GPAT4: variants seen among roughly 807,000 people sequenced by gnomAD.
GPAT4 encodes glycerol-3-phosphate acyltransferase 4.
Under a neutral mutation model 58.0 loss-of-function variants are expected in GPAT4, and 17 were observed. The observed-to-expected ratio is 0.29, with a 90% CI of 0.20 to 0.44. The LOEUF (loss-of-function observed/expected upper bound fraction) is 0.44. GPAT4 is among the 20% of genes least tolerant of loss of function. The pLI is 1.00. For synonymous variants in GPAT4, 204 were observed against 210.1 expected, an observed-to-expected ratio of 0.97 and a Z score of 0.25; for missense variants, 377 against 574.5, an observed-to-expected ratio of 0.66 and a Z score of 3.51.
chr8:41,606,687 G>A (rs879139360), intron 2 of GPAT4, among the ~76,000 whole-genome samples: 4 of 152,156 alleles, frequency 2.6e-5, no homozygotes, highest in Admixed American at 6.5e-5. Flanking sequence ...TGGGGGCTCC[G>A]AGCATGGCCA....
intron 2 of GPAT4, among the ~76,000 whole-genome samples, chr8:41,600,060 C>G (rs1320127650): frequency 2.6e-5 from 1 of 38,622 alleles, no homozygotes; most frequent in Non-Finnish European, 5.1e-5. Context: ...TTTTTCGAGA[C>G]AAGAGTCTCA....
chr8:41,582,822 ATG>A (rs1802559471), intron 1 of GPAT4, among the ~76,000 whole-genome samples: 1 of 152,166 alleles, frequency 6.6e-6, no homozygotes, highest in Non-Finnish European at 1.5e-5. Flanking sequence ...CATGGATAGA[ATG>A]TGTAATGATA....
chr8:41,615,183 T>C (rs1585675024), intron 10 of GPAT4, 135 bp downstream of exon 10: 2 of 734,654 alleles, frequency 2.7e-6, no homozygotes, highest in East Asian at 5.5e-5. Context: ...TGGGGCTGGG[T>C]TGACGTGGGT....
intron 2 of GPAT4, among the ~76,000 whole-genome samples, chr8:41,604,014 C>T (rs1415520106): frequency 6.6e-6 from 1 of 150,586 alleles, no homozygotes; most frequent in Non-Finnish European, 1.5e-5. Context: ...CATTCATGGC[C>T]CACAACTTGT....
intron 7 of GPAT4, among the ~76,000 whole-genome samples, 185 bp downstream of exon 7, chr8:41,612,458 G>A (rs2150503163): frequency 6.6e-6 from 1 of 152,354 alleles, no homozygotes; most frequent in South Asian, 2.1e-4. Context: ...ATTGGTGAGT[G>A]TGGCTGGAGA....
chr8:41,611,722 C>A (rs1222446243), intron 5 of GPAT4, among the ~76,000 whole-genome samples, 181 bp from the exon 6 acceptor site: 1 of 152,208 alleles, frequency 6.6e-6, no homozygotes, highest in Non-Finnish European at 1.5e-5. Context: ...TCCCTGTCCC[C>A]TCTTTCTCTC....
At chr8:41,596,426 G>A (rs1455409762) in intron 1 of GPAT4, among the ~76,000 whole-genome samples, 1 of 152,198 alleles carries the variant, frequency 6.6e-6, no homozygotes, top group African/African-American at 2.4e-5. Flanking sequence ...CAAAGTACCC[G>A]TACAGCCATG....
rs1164125493 is a variant in GPAT4, at chr8:41,609,949, C to T, written c.530C>T (p.Pro177Leu). ...GVLIRYCFLL[P>L]LRIALAFTGI... ...CTGATTCGGTACTGCTTTCTGCTGC[C>T]GCTCAGGTGAGGCAGGGCCTGCGGG... The change falls in exon 4 of 13, where the codon CCG (proline) becomes CTG (leucine). Residue 177 changes from proline (P) to leucine (L), a missense_variant. Transcript: ENST00000396987. 12 of 1,602,370 alleles carry T rather than the reference C, an allele frequency of 7.5e-6. No homozygotes were observed. The highest frequency in any genetic ancestry group is 2.2e-5 in the South Asian group (2 of 89,416).
intron 8 of GPAT4, among the ~76,000 whole-genome samples, chr8:41,613,420 C>T (rs1803501256): frequency 1.3e-5 from 2 of 151,770 alleles, no homozygotes; most frequent in South Asian, 4.2e-4. Context: ...GTATTATTTA[C>T]CAAGTTAATA....
At chr8:41,591,972 G>T (rs1489080632) in intron 1 of GPAT4, among the ~76,000 whole-genome samples, 8 of 152,232 alleles carry the variant, frequency 5.3e-5, no homozygotes, top group African/African-American at 1.9e-4. Flanking sequence ...TTCTAAGACA[G>T]CTTGTAAACG....
At chr8:41,585,159 G>T (rs1334005114) in intron 1 of GPAT4, among the ~76,000 whole-genome samples, 1 of 152,164 alleles carries the variant, frequency 6.6e-6, no homozygotes, top group Non-Finnish European at 1.5e-5. Flanking sequence ...TAAATTCAGC[G>T]TAGCACACAT....
At chr8:41,620,017 C>T (rs1350518335) in intron 12 of GPAT4, among the ~76,000 whole-genome samples, 1 of 152,226 alleles carries the variant, frequency 6.6e-6, no homozygotes, top group Non-Finnish European at 1.5e-5. Context: ...AACATTAGCA[C>T]TGGAGCTAGA....
Position 41,621,186 on chromosome 8 carries a change from CT to C in GPAT4, c.*187del. 1.2e-6 allele frequency: 1 copy of C among 806,430 alleles called. No individual in the cohort carries two copies. The highest frequency in any genetic ancestry group is 2.7e-5 in the East Asian group (1 of 36,890). 50.0% of individuals were successfully genotyped at this position (806,430 alleles called of 1,614,324 possible). A position where few individuals can be genotyped will look rare whatever the true frequency, so the allele number is the denominator to read the frequency against. On this transcript the variant is annotated 3_prime_UTR_variant, in exon 13 of 13. Transcript: ENST00000396987. ...CCCTGTGCACCCGGCGCAGCCTACC[CT>C]TGGTGGTCTAAACGGATGCTGCTGG...
chr8:41,604,879 C>T (rs960078130), intron 2 of GPAT4, among the ~76,000 whole-genome samples: 1 of 152,164 alleles, frequency 6.6e-6, no homozygotes, highest in Non-Finnish European at 1.5e-5. Flanking sequence ...CTGAAAAAGG[C>T]ATTGAACTTT....
rs1017567050 is a variant in GPAT4, at chr8:41,610,838, G to GAACTAACT, written c.611+30_611+31insCTAACTAA. On this transcript the variant is annotated intron_variant, in intron 5 of 12. Transcript: ENST00000396987. ...GAGTAGAGTGTGGCAGTCCATGCCT[G>GAACTAACT]AAGGACAGTTAGTTCTGGGAATGGT... 3 of 1,576,448 alleles carry GAACTAACT rather than the reference G, an allele frequency of 1.9e-6. No homozygotes were observed. The African/African-American group carries it at 4.1e-5, about 21-fold the overall frequency.
Position 41,615,049 on chromosome 8 carries a change from G to T in GPAT4, c.1053+1G>T. 1 of 1,610,508 alleles carries T rather than the reference G, an allele frequency of 6.2e-7. No homozygotes were observed. Among genetic ancestry groups the T allele is most frequent in the Non-Finnish European group, 8.5e-7 (1 of 1,176,782 alleles). On this transcript the variant is annotated splice_donor_variant, in intron 10 of 12. Transcript: ENST00000396987. LOFTEE classifies it high-confidence loss of function. The stretch of plus-strand genomic sequence containing the variant: ...CACAGTTTACCCTGTTGCTATCAAG[G>T]TATAAGACCTCCGATGGTACACACT...
Position 41,599,068 on chromosome 8 carries a change from C to G in GPAT4, c.-72C>G. The G allele has an allele frequency of 1.3e-6, 2 of 1,537,174 alleles. No homozygotes were observed. Among genetic ancestry groups the G allele is most frequent in the Non-Finnish European group, 1.7e-6 (2 of 1,146,602 alleles). On this transcript the variant is annotated 5_prime_UTR_variant, in exon 2 of 13. It introduces an in-frame stop codon into an upstream open reading frame of the 5' UTR. Coordinates refer to ENST00000396987, the MANE Select transcript of GPAT4 (RefSeq NM_178819.4). ...GCTTCCTTTCCCTGGCTGGTGCTGT[C>G]AGGAAGGACCATCTGAAGGCTGCAA...
chr8:41,603,109 C>T (rs1299311091), intron 2 of GPAT4, among the ~76,000 whole-genome samples: 1 of 152,204 alleles, frequency 6.6e-6, no homozygotes. Context: ...TAAGCCTCTT[C>T]ACCACTTCCT....
chr8:41,616,827 G>T (rs550429817), intron 10 of GPAT4, among the ~76,000 whole-genome samples: 1 of 152,298 alleles, frequency 6.6e-6, no homozygotes, highest in African/African-American at 2.4e-5. Flanking sequence ...CAGATTACTG[G>T]TTTTTGTGAA....
Sources: gnomAD v4.1 joint callset for allele counts (sites outside exome capture counted in the v4.1 genomes callset) on GRCh38, gnomAD v4.1.1 for gene constraint, MANE v1.5 for transcripts, NCBI Gene and HGNC (gene_info 2026-07-23, HGNC 2026-07-21) for gene names.